Variants in ZNF487 observed in about 807,000 individuals in gnomAD.
ZNF487 encodes the protein KRAB domain only 1.
Under a neutral mutation model 3.0 loss-of-function variants are expected in ZNF487, and 4 were observed. That is an observed-to-expected ratio of 1.35 (90% CI 0.66 to 3.08). The LOEUF is 3.08. Among genes scored for constraint, ZNF487 ranks in the 30% most tolerant of loss-of-function variants. The probability of loss-of-function intolerance (pLI) is 0.01; values close to 1 mark genes in which losing one functional copy is unlikely to be tolerated. For missense variants in ZNF487, 146 were observed against 98.7 expected (o/e 1.48, Z -2.03); for synonymous variants, 55 against 34.6 (o/e 1.59, Z -2.06).
the ZNF487 span, among the ~76,000 whole-genome samples, chr10:43,512,707 C>G: frequency 1.2e-4 from 18 of 152,186 alleles, no homozygotes; most frequent in Non-Finnish European, 2.2e-4. Context: ...AGTGGCAGAG[C>G]AGCTTGCACA....
Position 43,476,191 on chromosome 10 carries a change from A to G in ZNF487, c.119A>G (p.Gln40Arg). ...ATATTAGAGGAAGAGTCCCCAAGTC[A>G]GAGCCACCTAGGTGAGTTAATAAAT... The part of the protein sequence containing the change: ...LWILEEESPS[Q>R]SHLDCCIDDD... The change falls in exon 3 of 4, where the codon CAG (glutamine) becomes CGG (arginine). Residue 40 changes from glutamine (Q) to arginine (R), a missense_variant. By Grantham distance (43) the Gln-to-Arg change is conservative (BLOSUM62 1). Coordinates refer to ENST00000437590, the MANE Select transcript of ZNF487 (RefSeq NM_001355444.3). 1 of 717,370 alleles carries G rather than the reference A, an allele frequency of 1.4e-6. No individual in the cohort carries two copies. The highest frequency in any genetic ancestry group is 1.5e-5 in the South Asian group (1 of 67,586). The allele number at this position is 717,370 out of a possible 1,614,324, so 44.4% of individuals were successfully genotyped here.
chr10:43,438,569 T>C (rs753073358), intron 1 of ZNF487, among the ~76,000 whole-genome samples: 23 of 152,086 alleles, frequency 1.5e-4, no homozygotes, highest in Non-Finnish European at 2.9e-4. Context: ...GTATGGCAGT[T>C]CCCTCAAAAA....
chr10:43,498,023 G>A, the ZNF487 span, among the ~76,000 whole-genome samples: 8 of 135,876 alleles, frequency 5.9e-5, no homozygotes, highest in Admixed American at 4.5e-4. Context: ...GAGAGAGAGA[G>A]AGACATCTCT....
chr10:43,467,800 G>A (rs1330313260), intron 1 of ZNF487, among the ~76,000 whole-genome samples: 1 of 147,154 alleles, frequency 6.8e-6, no homozygotes, highest in Non-Finnish European at 1.5e-5. Flanking sequence ...GTGGGCAACA[G>A]AATGAGACTC....
At chr10:43,521,109 T>C in the ZNF487 span, among the ~76,000 whole-genome samples, 9 of 152,186 alleles carry the variant, frequency 5.9e-5, no homozygotes, top group African/African-American at 2.2e-4. Context: ...TGATTCATGG[T>C]ATTCATGTTC....
At chr10:43,473,045 CAAAA>C (rs375326367) in intron 1 of ZNF487, among the ~76,000 whole-genome samples, 2 of 78,602 alleles carry the variant, frequency 2.5e-5, no homozygotes, top group Non-Finnish European at 5.1e-5. Flanking sequence ...GACTCTGTCT[CAAAA>C]AAAAAAAAAA....
the ZNF487 span, among the ~76,000 whole-genome samples, chr10:43,520,777 C>A: frequency 0.017 from 2,563 of 152,172 alleles, 29 homozygotes; most frequent in South Asian, 0.036. Flanking sequence ...AGGCCCAGTA[C>A]CCAAGTGGAT....
chr10:43,451,272 T>A (rs1380046315), intron 1 of ZNF487, among the ~76,000 whole-genome samples: 1 of 150,750 alleles, frequency 6.6e-6, no homozygotes. Flanking sequence ...AGAGATGGAG[T>A]TTTGCTCTTG....
At chr10:43,470,368 T>C (rs1433906689) in intron 1 of ZNF487, among the ~76,000 whole-genome samples, 2 of 151,842 alleles carry the variant, frequency 1.3e-5, no homozygotes, top group Non-Finnish European at 2.9e-5. Context: ...TGCATGCCAC[T>C]ATGCCCAGCT....
chr10:43,512,666 C>A, the ZNF487 span, among the ~76,000 whole-genome samples: 1 of 152,204 alleles, frequency 6.6e-6, no homozygotes, highest in Non-Finnish European at 1.5e-5. Flanking sequence ...ACACCTCCAG[C>A]ACCATTGGAT....
At chr10:43,440,347 G>T (rs1839552439) in intron 1 of ZNF487, among the ~76,000 whole-genome samples, 1 of 151,450 alleles carries the variant, frequency 6.6e-6, no homozygotes, top group Non-Finnish European at 1.5e-5. Context: ...ACTGTGCCCT[G>T]CCTATATTTT....
chr10:43,465,222 G>A (rs976582140), intron 1 of ZNF487, among the ~76,000 whole-genome samples: 1 of 149,898 alleles, frequency 6.7e-6, no homozygotes, highest in Admixed American at 6.6e-5. Context: ...TGGACGGGGC[G>A]GCTGGCTGGG....
intron 1 of ZNF487, among the ~76,000 whole-genome samples, chr10:43,443,096 C>G (rs1187318950): frequency 4.6e-5 from 5 of 109,664 alleles, no homozygotes. Context: ...GAGTTTTGCT[C>G]TTGTCGCTCA....
At chr10:43,476,651 CT>C (rs141466229) in intron 3 of ZNF487, among the ~76,000 whole-genome samples, 1 of 152,026 alleles carries the variant, frequency 6.6e-6, no homozygotes, top group African/African-American at 2.4e-5. Context: ...ATGCAAGGGC[CT>C]TTTTGAAGTC....
At chr10:43,494,272 A>G in the ZNF487 span, among the ~76,000 whole-genome samples, 1 of 152,138 alleles carries the variant, frequency 6.6e-6, no homozygotes, top group Admixed American at 6.5e-5. Flanking sequence ...GGACACTGAA[A>G]TTTGAATTTT....
chr10:43,518,670 G>T, the ZNF487 span, among the ~76,000 whole-genome samples: 1 of 152,082 alleles, frequency 6.6e-6, no homozygotes, highest in African/African-American at 2.4e-5. Flanking sequence ...GCACACAATT[G>T]TCCCATAATA....
intron 1 of ZNF487, among the ~76,000 whole-genome samples, chr10:43,469,689 C>T (rs944461861): frequency 5.3e-5 from 8 of 151,844 alleles, no homozygotes; most frequent in African/African-American, 9.7e-5. Flanking sequence ...TGTCTGTACA[C>T]GGTGGCTCAT....
rs1392354447 is a variant in ZNF487 at position 43,465,040 on chromosome 10, CG to C, written c.-93-10675del. The stretch of plus-strand genomic sequence containing the variant: ...CTCCCGGACGGGGCGGCTGGCCGGG[CG>C]GGGGGCTGACCCCCCCCACCTCCCT... On this transcript the variant is annotated intron_variant, in intron 1 of 3. Transcript: ENST00000437590. Among the ~76,000 whole-genome samples the C allele has an allele frequency of 2.8e-4, 24 of 86,920 alleles. 1 individual carries two copies. Among genetic ancestry groups the C allele is most frequent in the East Asian group, 3.9e-4 (1 of 2,554 alleles). 57.0% of individuals were successfully genotyped at this position (86,920 alleles called of 152,430 possible).
chr10:43,485,458 T>A (rs2132163532), downstream of ZNF487, among the ~76,000 whole-genome samples: 1 of 152,342 alleles, frequency 6.6e-6, no homozygotes, highest in East Asian at 1.9e-4. Context: ...GCATGAAGAC[T>A]TCCTGGCAAT....
Sources: allele counts gnomAD v4.1 joint callset (sites outside exome capture counted in the v4.1 genomes callset), GRCh38; gene constraint gnomAD v4.1.1; transcripts MANE v1.5; gene names NCBI Gene and HGNC (gene_info 2026-07-23, HGNC 2026-07-21).